The following AP2B1 variants were observed in gnomAD, a reference collection of about 807,000 sequenced individuals.
AP2B1 encodes the protein AP-2 complex subunit beta.
Under a neutral mutation model 102.0 loss-of-function variants are expected in AP2B1, and 23 were observed. The observed-to-expected ratio is 0.23, with a 90% CI of 0.16 to 0.32. The LOEUF (loss-of-function observed/expected upper bound fraction) is 0.32. Among genes scored for constraint, AP2B1 ranks in the 10% least tolerant of loss-of-function variants. The pLI is 1.00. For synonymous variants in AP2B1, 381 were observed against 421.2 expected, an observed-to-expected ratio of 0.90 and a Z score of 1.17; for missense variants, 541 against 1,157.4, an observed-to-expected ratio of 0.47 and a Z score of 7.73.
intron 12 of AP2B1, among the ~76,000 whole-genome samples, chr17:35,646,640 C>T (rs1439887359): frequency 2.8e-5 from 4 of 143,448 alleles, no homozygotes; most frequent in Admixed American, 7.2e-5. Flanking sequence ...GGCTGGAGTG[C>T]GGTGGTGCAA....
At chr17:35,644,825 G>A (rs2074881367) in intron 12 of AP2B1, among the ~76,000 whole-genome samples, 1 of 152,102 alleles carries the variant, frequency 6.6e-6, no homozygotes. Context: ...CTTGAACTCA[G>A]GAATTCGACC....
intron 11 of AP2B1, among the ~76,000 whole-genome samples, chr17:35,641,548 T>C (rs955753670): frequency 9.2e-5 from 14 of 151,984 alleles, no homozygotes; most frequent in Admixed American, 1.3e-4. Context: ...GCCTGGGCAA[T>C]AGAGGGAGAC....
intron 12 of AP2B1, among the ~76,000 whole-genome samples, chr17:35,645,661 C>T (rs2074911712): frequency 6.6e-6 from 1 of 152,096 alleles, no homozygotes; most frequent in Non-Finnish European, 1.5e-5. Flanking sequence ...ACCAGCCTGA[C>T]CAAAATGGAG....
intron 18 of AP2B1, among the ~76,000 whole-genome samples, chr17:35,697,153 G>A (rs1198206795): frequency 6.6e-6 from 1 of 152,136 alleles, no homozygotes; most frequent in African/African-American, 2.4e-5. Context: ...GTCTGGTCCT[G>A]GTCCCAAGTT....
intron 17 of AP2B1, among the ~76,000 whole-genome samples, chr17:35,680,032 G>A (rs1477039373): frequency 6.6e-6 from 1 of 151,028 alleles, no homozygotes; most frequent in African/African-American, 2.4e-5. Flanking sequence ...GTTCCAAGTA[G>A]CTGGGAATTA....
chr17:35,723,666 C>CT lies in AP2B1; in HGVS notation c.2824dup (p.Tyr942LeufsTer23). 6.2e-7 allele frequency: 1 copy of CT among 1,600,826 alleles called. No individual in the cohort carries two copies. Among genetic ancestry groups the CT allele is most frequent in the Non-Finnish European group, 8.5e-7 (1 of 1,173,022 alleles). On this transcript the variant is annotated frameshift_variant, in exon 22 of 22. Transcript: ENST00000610402. LOFTEE classifies it high-confidence loss of function. ...GAGCTCCTGAAGTCTCTCAATACAT[C>CT]TATCAGGTCTACGACAGCATTTTGA...
chr17:35,615,797 G>A (rs773946578), intron 5 of AP2B1, among the ~76,000 whole-genome samples: 2 of 152,172 alleles, frequency 1.3e-5, no homozygotes, highest in Non-Finnish European at 2.9e-5. Flanking sequence ...AGTATGTGGT[G>A]AGCACTTGAT....
At chr17:35,633,232 T>C (rs2074513111) in intron 9 of AP2B1, among the ~76,000 whole-genome samples, 1 of 151,832 alleles carries the variant, frequency 6.6e-6, no homozygotes, top group Non-Finnish European at 1.5e-5. Flanking sequence ...TGGTGGCCCA[T>C]ACTTGTAATC....
chr17:35,640,164 G>T (rs144491148), intron 11 of AP2B1, among the ~76,000 whole-genome samples: 1,500 of 149,340 alleles, frequency 0.01, 20 homozygotes, highest in African/African-American at 0.035. Flanking sequence ...TGATCCACCC[G>T]CCTCGGCCTC....
At chr17:35,645,031 C>CG (rs1032610510) in intron 12 of AP2B1, among the ~76,000 whole-genome samples, 3 of 147,578 alleles carry the variant, frequency 2.0e-5, no homozygotes, top group Non-Finnish European at 3.0e-5. Flanking sequence ...GACTCTGTCT[C>CG]GGAAAAAAAA....
Position 35,682,844 on chromosome 17 carries a change from C to T in AP2B1, c.2454+20C>T, listed in dbSNP as rs774320854. Reference sequence around the variant, plus strand: ...CTCCAGGTCAGAGATTTACTTCACTCAGGTGGTACAAGTTAATATCTTGAC... The same window carrying T: ...CTCCAGGTCAGAGATTTACTTCACTTAGGTGGTACAAGTTAATATCTTGAC... On this transcript the variant is annotated intron_variant, in intron 18 of 21. Transcript: ENST00000610402. 9 of 1,600,478 alleles carry T rather than the reference C, an allele frequency of 5.6e-6. No homozygotes were observed. Among genetic ancestry groups the T allele is most frequent in the Middle Eastern group, 1.7e-4 (1 of 5,998 alleles).
At chr17:35,680,735 C>T (rs1168085295) in intron 17 of AP2B1, among the ~76,000 whole-genome samples, 24 of 136,026 alleles carry the variant, frequency 1.8e-4, no homozygotes, top group African/African-American at 6.6e-4. Flanking sequence ...CTTGCTCTGT[C>T]GCCCAGCCTG....
At chr17:35,707,455 C>G (rs942987837) in intron 18 of AP2B1, among the ~76,000 whole-genome samples, 59 of 86,212 alleles carry the variant, frequency 6.8e-4, no homozygotes, top group Non-Finnish European at 1.3e-3. Flanking sequence ...CCGGCTTCCC[C>G]CCTTTTTTTT....
At chr17:35,642,539 A>T (rs2074811859) in intron 12 of AP2B1, among the ~76,000 whole-genome samples, 1 of 152,232 alleles carries the variant, frequency 6.6e-6, no homozygotes, top group Non-Finnish European at 1.5e-5. Context: ...TCATTATATT[A>T]GATCCACAGA....
At chr17:35,604,739 CAG>C (rs1010576811) in intron 3 of AP2B1, among the ~76,000 whole-genome samples, 7 of 151,960 alleles carry the variant, frequency 4.6e-5, no homozygotes, top group African/African-American at 1.7e-4. Context: ...GCCTGGGCGA[CAG>C]AGTGAGACTC....
chr17:35,720,564 TATATA>T (rs2085340516), intron 21 of AP2B1, among the ~76,000 whole-genome samples: 1 of 55,274 alleles, frequency 1.8e-5, no homozygotes, highest in African/African-American at 6.9e-5. Flanking sequence ...TATATATATA[TATATA>T]TATATTTTTT....
intron 5 of AP2B1, among the ~76,000 whole-genome samples, chr17:35,622,890 TC>T (rs1335746162): frequency 6.6e-6 from 1 of 152,088 alleles, no homozygotes; most frequent in African/African-American, 2.4e-5. Flanking sequence ...GGTCTCGAAC[TC>T]CTGACCTAAG....
At chr17:35,723,257 G>A (rs373384832) in intron 21 of AP2B1, among the ~76,000 whole-genome samples, 45 of 152,204 alleles carry the variant, frequency 3.0e-4, no homozygotes, top group African/African-American at 1.1e-3. Flanking sequence ...GCAGCTGAAA[G>A]GACCATCAAC....
intron 5 of AP2B1, among the ~76,000 whole-genome samples, chr17:35,612,424 G>A (rs1327754654): frequency 2.6e-5 from 4 of 152,110 alleles, no homozygotes; most frequent in Non-Finnish European, 4.4e-5. Context: ...GGGCTTAAGA[G>A]GTAGCCAACA....
Sources: gnomAD v4.1 joint callset for allele counts (sites outside exome capture counted in the v4.1 genomes callset) on GRCh38, gnomAD v4.1.1 for gene constraint, MANE v1.5 for transcripts, NCBI Gene and HGNC (gene_info 2026-07-23, HGNC 2026-07-21) for gene names.